The following FBXL4 variants were observed in gnomAD, a reference collection of about 807,000 sequenced individuals.
FBXL4 encodes F-box/LRR-repeat protein 4.
FBXL4 carries 40 observed loss-of-function variants against 58.9 expected under a neutral mutation model. The ratio of observed to expected loss-of-function variants is 0.68; its 90% CI spans 0.53 to 0.88. The LOEUF (loss-of-function observed/expected upper bound fraction) is 0.88, where lower values mean the gene tolerates loss of function less well. Ranked by LOEUF, FBXL4 falls within the 40% of genes least tolerant of loss-of-function variation. FBXL4 has a pLI of 0.00. For synonymous variants in FBXL4, 263 were observed against 265.5 expected (o/e 0.99, Z 0.09); for missense variants, 676 against 734.4 (o/e 0.92, Z 0.92).
At chr6:98,945,524 T>C (rs528597243) in intron 1 of FBXL4, among the ~76,000 whole-genome samples, 1 of 152,226 alleles carries the variant, frequency 6.6e-6, no homozygotes, top group African/African-American at 2.4e-5. Flanking sequence ...TTTCACTTCC[T>C]CCTTTAAGGA....
chr6:98,902,593 G>GAATAT (rs1333571116), intron 6 of FBXL4, among the ~76,000 whole-genome samples: 2 of 152,046 alleles, frequency 1.3e-5, no homozygotes, highest in African/African-American at 2.4e-5. Context: ...CTAAAGGAAT[G>GAATAT]AATATAAACT....
chr6:98,888,663 A>G (rs1771120428), intron 7 of FBXL4, among the ~76,000 whole-genome samples: 1 of 152,252 alleles, frequency 6.6e-6, no homozygotes, highest in Admixed American at 6.5e-5. Context: ...TATAATTAAA[A>G]TAGCAGCTTT....
intron 7 of FBXL4, among the ~76,000 whole-genome samples, chr6:98,894,207 C>T (rs1222502011): frequency 6.6e-6 from 1 of 152,172 alleles, no homozygotes; most frequent in African/African-American, 2.4e-5. Context: ...CACGAAAATA[C>T]ATCATCATGT....
At chr6:98,875,107 TAATAAA>T (rs1236583099) in intron 9 of FBXL4, among the ~76,000 whole-genome samples, 1 of 132,036 alleles carries the variant, frequency 7.6e-6, no homozygotes, top group Non-Finnish European at 1.7e-5. Flanking sequence ...CTTCTCTCCT[TAATAAA>T]AATAGAGAGC....
At chr6:98,895,842 T>C (rs1246083961) in intron 7 of FBXL4, among the ~76,000 whole-genome samples, 2 of 152,138 alleles carry the variant, frequency 1.3e-5, no homozygotes, top group African/African-American at 2.4e-5. Context: ...AAATATACTA[T>C]ATTTATTAAT....
chr6:98,906,272 C>A (rs1024923304), intron 5 of FBXL4, among the ~76,000 whole-genome samples: 1 of 151,990 alleles, frequency 6.6e-6, no homozygotes, highest in African/African-American at 2.4e-5. Flanking sequence ...TTTTGCTGCA[C>A]CCATCAACCC....
intron 1 of FBXL4, among the ~76,000 whole-genome samples, chr6:98,946,542 AGTACCATAT>A (rs1773625163): frequency 6.6e-6 from 1 of 152,236 alleles, no homozygotes; most frequent in Admixed American, 6.5e-5. Context: ...CATATGTGCA[AGTACCATAT>A]GTACCATTGT....
chr6:98,884,037 CT>C (rs1231083315), intron 7 of FBXL4, among the ~76,000 whole-genome samples: 1 of 151,504 alleles, frequency 6.6e-6, no homozygotes, highest in Non-Finnish European at 1.5e-5. Flanking sequence ...TTTTTTATAT[CT>C]GATACTTCCT....
intron 5 of FBXL4, among the ~76,000 whole-genome samples, chr6:98,911,130 G>A (rs1772043591): frequency 6.6e-6 from 1 of 152,158 alleles, no homozygotes; most frequent in Non-Finnish European, 1.5e-5. Flanking sequence ...TGGGGGAGGG[G>A]CGCCTGCCAT....
chr6:98,893,384 G>A (rs1470926191), intron 7 of FBXL4, among the ~76,000 whole-genome samples: 2 of 150,912 alleles, frequency 1.3e-5, no homozygotes, highest in Non-Finnish European at 3.0e-5. Context: ...TCTCTTACTG[G>A]CTTGTAGCGG....
intron 6 of FBXL4, among the ~76,000 whole-genome samples, chr6:98,902,627 T>G (rs947134382): frequency 1.3e-5 from 2 of 151,046 alleles, no homozygotes; most frequent in African/African-American, 4.9e-5. Context: ...AAGAGGAGTT[T>G]AGAGTAAAAA....
chr6:98,905,217 A>G (rs1006020350), intron 6 of FBXL4, among the ~76,000 whole-genome samples: 8 of 152,232 alleles, frequency 5.3e-5, no homozygotes, highest in Non-Finnish European at 1.0e-4. Flanking sequence ...TTCCCTTCAT[A>G]TTCATATAAA....
rs1184375271 is a variant in FBXL4, at chr6:98,869,972, C to G, written c.*4306G>C. On this transcript the variant is annotated 3_prime_UTR_variant, in exon 10 of 10. Coordinates refer to ENST00000369244, the MANE Select transcript of FBXL4 (RefSeq NM_001278716.2). Reference sequence around the variant, plus strand: ...ACTCTGGGAAGATAATTTACCTGAGCAAAATGCAAAGATAAATAATTATAC... The same window carrying G: ...ACTCTGGGAAGATAATTTACCTGAGGAAAATGCAAAGATAAATAATTATAC... 2 of 152,058 alleles carry G rather than the reference C, an allele frequency of 1.3e-5. No individual in the cohort carries two copies. Among genetic ancestry groups the G allele is most frequent in the African/African-American group, 4.8e-5 (2 of 41,418 alleles). 9.4% of individuals were successfully genotyped at this position (152,058 alleles called of 1,614,324 possible). A position where few individuals can be genotyped will look rare whatever the true frequency, so the allele number is the denominator to read the frequency against.
At position 98,875,409 on chromosome 6, in the gene FBXL4, C is replaced by T. The variant is rs766278048; in HGVS notation, c.1702+6G>A. The T allele has an allele frequency of 4.3e-6, 7 of 1,612,746 alleles. No individual in the cohort carries two copies. The South Asian group carries it at 7.7e-5, about 18-fold the overall frequency. Reference sequence around the variant, plus strand: ...TTTAAAACAAATTTATATATTGTAACCTTACCTAATATGTCCAGCTGCTGT... The same window carrying T: ...TTTAAAACAAATTTATATATTGTAATCTTACCTAATATGTCCAGCTGCTGT... On this transcript the variant is annotated splice_donor_region_variant and intron_variant, in intron 9 of 9. Transcript: ENST00000369244.
At position 98,917,432 on chromosome 6, in the gene FBXL4, C is replaced by G; in HGVS notation, c.800G>C (p.Ser267Thr). 6.2e-7 allele frequency: 1 copy of G among 1,613,872 alleles called. No individual in the cohort carries two copies. Among genetic ancestry groups the G allele is most frequent in the Middle Eastern group, 1.7e-4 (1 of 6,056 alleles). Reference sequence around the variant, plus strand: ...TGGCCCTTCCCCGAGGACAGCACTGCTAAACTTTTTGTTAAGACTGTCCAT... The same window carrying G: ...TGGCCCTTCCCCGAGGACAGCACTGGTAAACTTTTTGTTAAGACTGTCCAT... ...CGMDSLNKKFSSAVLGEGPNN... is the reference protein window; with the variant it reads ...CGMDSLNKKFTSAVLGEGPNN... The change falls in exon 5 of 10, where the codon AGC (serine) becomes ACC (threonine). Residue 267 changes from serine to threonine, a missense_variant. Transcript: ENST00000369244.
chr6:98,869,617 G>C lies in FBXL4; in HGVS notation c.*4661C>G, dbSNP rs2128372363. 1 of 151,970 alleles carries C rather than the reference G, an allele frequency of 6.6e-6. No individual in the cohort carries two copies. Among genetic ancestry groups the C allele is most frequent in the East Asian group, 2.0e-4 (1 of 5,092 alleles). 9.4% of individuals were successfully genotyped at this position (151,970 alleles called of 1,614,324 possible). On this transcript the variant is annotated 3_prime_UTR_variant, in exon 10 of 10. Coordinates refer to ENST00000369244, the MANE Select transcript of FBXL4 (RefSeq NM_001278716.2). ...GCACTCCAGCCTGGGGCAATAGAGT[G>C]AGACCCTGTCTCAAATATGTAACAC...
intron 5 of FBXL4, among the ~76,000 whole-genome samples, chr6:98,916,758 T>G (rs1294993387): frequency 1.3e-5 from 2 of 151,036 alleles, no homozygotes; most frequent in Admixed American, 1.3e-4. Flanking sequence ...GCATGGCACA[T>G]GTATACATAT....
At chr6:98,916,570 A>G (rs1772359126) in intron 5 of FBXL4, among the ~76,000 whole-genome samples, 1 of 152,130 alleles carries the variant, frequency 6.6e-6, no homozygotes, top group Admixed American at 6.6e-5. Flanking sequence ...CACAAGGACA[A>G]AAAAACCAAA....
intron 8 of FBXL4, among the ~76,000 whole-genome samples, chr6:98,877,808 C>G (rs1582362944): frequency 6.6e-6 from 1 of 152,064 alleles, no homozygotes; most frequent in Admixed American, 6.6e-5. Context: ...TTACTTCAAT[C>G]AGCATTATAT....
Sources: gnomAD v4.1 joint callset for allele counts (sites outside exome capture counted in the v4.1 genomes callset) on GRCh38, gnomAD v4.1.1 for gene constraint, MANE v1.5 for transcripts, NCBI Gene and HGNC (gene_info 2026-07-23, HGNC 2026-07-21) for gene names.